The following SAMD4A variants were observed in gnomAD, a reference collection of about 807,000 sequenced individuals.
The protein encoded by SAMD4A is sterile alpha motif domain containing 4A, also known as protein Smaug homolog 1.
In SAMD4A, 33 loss-of-function variants were observed where a neutral mutation model predicts 81.3. The ratio of observed to expected loss-of-function variants is 0.41; its 90% CI spans 0.31 to 0.54. SAMD4A has a LOEUF of 0.54. Ranked by LOEUF, SAMD4A falls within the 20% of genes least tolerant of loss-of-function variation. The pLI is 0.37. For synonymous variants in SAMD4A, 389 were observed against 382.1 expected (o/e 1.02, Z -0.21); for missense variants, 854 against 951.1 (o/e 0.90, Z 1.34).
intron 4 of SAMD4A, among the ~76,000 whole-genome samples, chr14:54,739,348 C>G (rs903482489): frequency 2.0e-5 from 3 of 152,020 alleles, no homozygotes; most frequent in African/African-American, 7.2e-5. Context: ...ATGGCACAGA[C>G]AAGATCTCAT....
At position 54,774,973 on chromosome 14, in the gene SAMD4A, C is replaced by A; in HGVS notation, c.1755C>A (p.Gly585=). The A allele has an allele frequency of 6.2e-7, 1 of 1,614,270 alleles. No individual in the cohort carries two copies. The highest frequency in any genetic ancestry group is 8.5e-7 in the Non-Finnish European group (1 of 1,180,056). The change falls in exon 10 of 13, where the codon GGC becomes GGA. Residue 585 remains glycine, a synonymous_variant. Transcript: ENST00000554335. ...AATCCAACTCCCTCCCGACGGCTGGCTCTGTGGGCGGTGGCATGGGCAGAC... is the reference window on the plus strand; with the variant it reads ...AATCCAACTCCCTCCCGACGGCTGGATCTGTGGGCGGTGGCATGGGCAGAC... ...FGQSNSLPTA[G]SVGGGMGRRN... is the part of the protein sequence containing the mutation.
In SAMD4A at chr14:54,751,443, A is replaced by C. The variant is rs2295820; in HGVS notation, c.1090-8A>C. The C allele has an allele frequency of 0.5, 744,108 of 1,497,706 alleles. 192,981 individuals carry two copies. Among genetic ancestry groups the C allele is most frequent in the Non-Finnish European group, 0.54 (592,083 of 1,087,042 alleles). 92.8% of individuals were successfully genotyped at this position (1,497,706 alleles called of 1,614,324 possible). Reference sequence around the variant, plus strand: ...TACATTTAAATGTAACTTGTTATTTAATTACAGAATGTTACCAAAGGTGCA... The same window carrying C: ...TACATTTAAATGTAACTTGTTATTTCATTACAGAATGTTACCAAAGGTGCA... On this transcript the variant is annotated splice_polypyrimidine_tract_variant and splice_region_variant and intron_variant, in intron 5 of 12. Transcript: ENST00000554335.
chr14:54,608,674 T>A (rs534707221), intron 2 of SAMD4A, among the ~76,000 whole-genome samples: 2 of 152,234 alleles, frequency 1.3e-5, no homozygotes, highest in Non-Finnish European at 2.9e-5. Context: ...CAATGGATTT[T>A]GCATTTACAC....
chr14:54,680,081 T>C (rs1413852886), intron 2 of SAMD4A, among the ~76,000 whole-genome samples: 1 of 152,136 alleles, frequency 6.6e-6, no homozygotes, highest in Admixed American at 6.5e-5. Flanking sequence ...CATGCCCAAT[T>C]CCCCCCACCA....
chr14:54,624,786 T>C (rs35594181), intron 2 of SAMD4A, among the ~76,000 whole-genome samples: 2,346 of 149,408 alleles, frequency 0.016, 68 homozygotes, highest in African/African-American at 0.054. Flanking sequence ...ATTTTTTTTT[T>C]TGTTGTTTGG....
At chr14:54,748,309 C>T (rs1177002313) in intron 4 of SAMD4A, among the ~76,000 whole-genome samples, 1 of 152,202 alleles carries the variant, frequency 6.6e-6, no homozygotes, top group East Asian at 1.9e-4. Context: ...GTGGCTGAAA[C>T]AGTGTGTGAA....
chr14:54,752,168 T>A (rs2038120771), intron 6 of SAMD4A, among the ~76,000 whole-genome samples: 1 of 152,234 alleles, frequency 6.6e-6, no homozygotes, highest in Non-Finnish European at 1.5e-5. Context: ...TTAAAAGCAG[T>A]GATCAGCTGC....
At chr14:54,765,053 C>T (rs2038500093) in intron 8 of SAMD4A, among the ~76,000 whole-genome samples, 2 of 152,172 alleles carry the variant, frequency 1.3e-5, no homozygotes, top group Non-Finnish European at 2.9e-5. Flanking sequence ...AGGCAGGCTG[C>T]AGGTGTGCCT....
chr14:54,634,976 G>A (rs1005806276), intron 2 of SAMD4A, among the ~76,000 whole-genome samples: 1 of 152,198 alleles, frequency 6.6e-6, no homozygotes, highest in Non-Finnish European at 1.5e-5. Context: ...CTTGGTCACT[G>A]TATCCTGCTA....
In SAMD4A at chr14:54,791,935, A is replaced by T. The variant is rs986278551; in HGVS notation, c.*2991A>T. On this transcript the variant is annotated 3_prime_UTR_variant, in exon 13 of 13. Coordinates refer to ENST00000554335, the MANE Select transcript of SAMD4A (RefSeq NM_015589.6). ...GTAACAATTTTAAAATCTCAGAGTA[A>T]AATCTATTTCACTACATGCTTTTCC... The T allele has an allele frequency of 6.6e-6, 1 of 152,210 alleles. No homozygotes were observed. Among genetic ancestry groups the T allele is most frequent in the Non-Finnish European group, 1.5e-5 (1 of 68,044 alleles). 9.4% of individuals were successfully genotyped at this position (152,210 alleles called of 1,614,324 possible).
intron 2 of SAMD4A, among the ~76,000 whole-genome samples, chr14:54,640,968 T>C (rs760374728): frequency 6.6e-6 from 1 of 152,218 alleles, no homozygotes; most frequent in Admixed American, 6.5e-5. Context: ...TGTCTGTAAC[T>C]TCATTCCACC....
intron 2 of SAMD4A, among the ~76,000 whole-genome samples, chr14:54,680,788 C>T (rs1198631264): frequency 2.0e-5 from 3 of 152,200 alleles, no homozygotes; most frequent in Non-Finnish European, 2.9e-5. Flanking sequence ...TCAGAGGACA[C>T]TGCCAGTAAG....
intron 2 of SAMD4A, among the ~76,000 whole-genome samples, chr14:54,589,449 T>C (rs555336218): frequency 4.0e-4 from 61 of 152,286 alleles, no homozygotes; most frequent in African/African-American, 1.4e-3. Flanking sequence ...CTGCCTCAAG[T>C]TTATGTTAGC....
At chr14:54,756,962 GA>G (rs2038256191) in intron 6 of SAMD4A, among the ~76,000 whole-genome samples, 1 of 152,222 alleles carries the variant, frequency 6.6e-6, no homozygotes, top group Non-Finnish European at 1.5e-5. Flanking sequence ...GTTAGTTAAT[GA>G]ACAGCTTCAC....
rs186717360 is a variant in SAMD4A at position 54,635,485 on chromosome 14, C to T, written c.197-66577C>T. ...ATCCAACAGGCCAGGTGCAATCGCT[C>T]ACGTCCGTAATCCCAACACTTTGGG... On this transcript the variant is annotated intron_variant, in intron 2 of 12. Transcript: ENST00000554335. Among the ~76,000 whole-genome samples the T allele has an allele frequency of 1.9e-3, 294 of 151,944 alleles. 2 individuals are homozygous for T. Among genetic ancestry groups the T allele is most frequent in the African/African-American group, 6.9e-3 (284 of 41,342 alleles).
chr14:54,645,419 A>G (rs1210875888), intron 2 of SAMD4A, among the ~76,000 whole-genome samples: 1 of 152,258 alleles, frequency 6.6e-6, no homozygotes, highest in Non-Finnish European at 1.5e-5. Context: ...ATATATAACT[A>G]TGCAATATCT....
At chr14:54,676,399 G>T (rs72713410) in intron 2 of SAMD4A, among the ~76,000 whole-genome samples, 43,125 of 152,108 alleles carry the variant, frequency 0.28, 7,540 homozygotes, top group Non-Finnish European at 0.39. Flanking sequence ...TTGAGACAGA[G>T]TCTTGCTCTA....
intron 2 of SAMD4A, among the ~76,000 whole-genome samples, chr14:54,605,677 A>G (rs748491646): frequency 6.6e-6 from 1 of 152,186 alleles, no homozygotes; most frequent in African/African-American, 2.4e-5. Context: ...TTTAATGGCT[A>G]TAATAATTTC....
Position 54,754,768 on chromosome 14 carries a change from C to T in SAMD4A, c.1176+3231C>T, listed in dbSNP as rs147758358. 3,146 of 956,428 alleles carry T rather than the reference C, an allele frequency of 3.3e-3. 9 individuals are homozygous for T. The highest frequency in any genetic ancestry group is 3.8e-3 in the Non-Finnish European group (3,032 of 800,784). 59.2% of individuals were successfully genotyped at this position (956,428 alleles called of 1,614,324 possible). On this transcript the variant is annotated intron_variant, in intron 6 of 12. Transcript: ENST00000554335. ...GATTTCTAAGGAGATAGCTGGGGCC[C>T]CGCCCATAGTTAGTTCATAATCAGT...
Sources: gnomAD v4.1 joint callset for allele counts (sites outside exome capture counted in the v4.1 genomes callset) on GRCh38, gnomAD v4.1.1 for gene constraint, MANE v1.5 for transcripts, NCBI Gene and HGNC (gene_info 2026-07-23, HGNC 2026-07-21) for gene names.